MAP4K4: variants seen among roughly 807,000 people sequenced by gnomAD.
MAP4K4 encodes HPK/GCK-like kinase HGK.
A neutral mutation model predicts 189.6 loss-of-function variants in MAP4K4; 38 were observed. The ratio of observed to expected loss-of-function variants is 0.20; its 90% confidence interval spans 0.15 to 0.26. The LOEUF (loss-of-function observed/expected upper bound fraction) is 0.26, where lower values mean the gene tolerates loss of function less well. MAP4K4 is among the 10% of genes least tolerant of loss of function. The pLI is 1.00. For synonymous variants in MAP4K4, 610 were observed against 624.3 expected (o/e 0.98, Z 0.34); for missense variants, 1,054 against 1,726.9 (o/e 0.61, Z 6.91).
At chr2:101,760,497 A>AC (rs2075784538) in intron 2 of MAP4K4, among the ~76,000 whole-genome samples, 2 of 123,398 alleles carry the variant, frequency 1.6e-5, no homozygotes, top group African/African-American at 7.5e-5. Flanking sequence ...CAAAAAAAAA[A>AC]AACAAAATAT....
chr2:101,712,185 TTTA>T (rs1185250981), intron 2 of MAP4K4, among the ~76,000 whole-genome samples: 1 of 151,908 alleles, frequency 6.6e-6, no homozygotes, highest in Non-Finnish European at 1.5e-5. Flanking sequence ...TTCACTTTTA[TTTA>T]TTATTTATTT....
intron 16 of MAP4K4, chr2:101,862,230 G>T (rs2097682537): frequency 8.5e-6 from 1 of 117,784 alleles, no homozygotes; most frequent in African/African-American, 3.3e-5. Context: ...GACAGAGTGA[G>T]ACTCCATCTT....
intron 3 of MAP4K4, among the ~76,000 whole-genome samples, chr2:101,815,129 G>C (rs188393450): frequency 3.0e-3 from 459 of 152,278 alleles, no homozygotes; most frequent in Non-Finnish European, 5.0e-3. Flanking sequence ...TAAATGATTG[G>C]ATCAAAAGTA....
At chr2:101,711,973 C>CTTTTTTTTTT (rs57205012) in intron 2 of MAP4K4, among the ~76,000 whole-genome samples, 1 of 122,370 alleles carries the variant, frequency 8.2e-6, no homozygotes, top group African/African-American at 3.0e-5. Flanking sequence ...CTGTCTTGCC[C>CTTTTTTTTTT]TTTTTTTTTT....
At chr2:101,769,762 A>T (rs1211448545) in intron 2 of MAP4K4, among the ~76,000 whole-genome samples, 1 of 151,718 alleles carries the variant, frequency 6.6e-6, no homozygotes, top group South Asian at 2.1e-4. Flanking sequence ...TTTTGTTTTT[A>T]GTAGAGACGA....
intron 2 of MAP4K4, among the ~76,000 whole-genome samples, chr2:101,754,341 G>GTT (rs59198391): frequency 9.3e-5 from 8 of 85,834 alleles, no homozygotes; most frequent in Admixed American, 1.4e-4. Flanking sequence ...CTTTTTTGCT[G>GTT]TTTTTTTTTT....
intron 5 of MAP4K4, among the ~76,000 whole-genome samples, chr2:101,827,878 C>G (rs1291184729): frequency 6.6e-6 from 1 of 152,158 alleles, no homozygotes; most frequent in East Asian, 1.9e-4. Flanking sequence ...TTTCCTAGTT[C>G]AGAAACACTG....
At chr2:101,710,776 T>C (rs2045014877) in intron 2 of MAP4K4, among the ~76,000 whole-genome samples, 1 of 152,188 alleles carries the variant, frequency 6.6e-6, no homozygotes, top group Non-Finnish European at 1.5e-5. Flanking sequence ...GGCATAGATA[T>C]ATGTGGAGCA....
chr2:101,799,011 G>A (rs2094102792), intron 3 of MAP4K4, among the ~76,000 whole-genome samples: 1 of 152,072 alleles, frequency 6.6e-6, no homozygotes, highest in African/African-American at 2.4e-5. Flanking sequence ...TTCATTTTTA[G>A]AATTGTCACT....
chr2:101,860,946 A>G, exon 16 of MAP4K4: 1 of 1,604,094 alleles, frequency 6.2e-7, no homozygotes, highest in Non-Finnish European at 8.5e-7. Context: ...GGCAACTCCG[A>G]GTCTGTGCAT....
At chr2:101,877,772 C>T (rs1029475840) in intron 27 of MAP4K4, among the ~76,000 whole-genome samples, 23 of 149,958 alleles carry the variant, frequency 1.5e-4, no homozygotes, top group Admixed American at 7.3e-4. Context: ...TTTTTTGAGA[C>T]GGAGTCTCAC....
At chr2:101,800,216 A>G (rs889558361) in intron 3 of MAP4K4, among the ~76,000 whole-genome samples, 2 of 152,012 alleles carry the variant, frequency 1.3e-5, no homozygotes, top group African/African-American at 4.8e-5. Flanking sequence ...TGCAGCTTCA[A>G]CTTCCCAGGC....
At position 101,891,311 on chromosome 2, in the gene MAP4K4, TC is replaced by T. The variant is rs1478390021; in HGVS notation, c.*64del. The T allele has an allele frequency of 2.1e-6, 3 of 1,440,418 alleles. No homozygotes were observed. The Admixed American group carries it at 5.1e-5, about 25-fold the overall frequency. 89.2% of individuals were successfully genotyped at this position (1,440,418 alleles called of 1,614,324 possible). ...CTTCAAGATCCTGAGAACTTGGAAT[TC>T]CTTGTAACTGGAGCTCGGAGCTGCA... On this transcript the variant is annotated 3_prime_UTR_variant, in exon 33 of 33. Transcript: ENST00000324219.
intron 2 of MAP4K4, among the ~76,000 whole-genome samples, chr2:101,740,440 C>T (rs2062199519): frequency 9.8e-6 from 1 of 102,526 alleles, no homozygotes; most frequent in Non-Finnish European, 1.7e-5. Flanking sequence ...AGGCGTGAGC[C>T]ACCGCGCCCG....
At chr2:101,729,968 C>T (rs528898627) in intron 2 of MAP4K4, among the ~76,000 whole-genome samples, 2 of 152,264 alleles carry the variant, frequency 1.3e-5, no homozygotes, top group East Asian at 3.9e-4. Flanking sequence ...AGGAACCTGT[C>T]TTTGTGTCTC....
At chr2:101,724,635 A>G (rs2054192738) in intron 2 of MAP4K4, among the ~76,000 whole-genome samples, 1 of 152,188 alleles carries the variant, frequency 6.6e-6, no homozygotes, top group Non-Finnish European at 1.5e-5. Context: ...CTTAGGAGGG[A>G]ATGAAAACAG....
chr2:101,713,350 T>A (rs1424738623), intron 2 of MAP4K4, among the ~76,000 whole-genome samples: 1 of 152,062 alleles, frequency 6.6e-6, no homozygotes, highest in Non-Finnish European at 1.5e-5. Flanking sequence ...GTCCCAGCAC[T>A]TTGGGAGGCT....
intron 30 of MAP4K4, 28 bp downstream of exon 30, chr2:101,887,265 G>T: frequency 6.3e-7 from 1 of 1,579,822 alleles, no homozygotes; most frequent in East Asian, 2.3e-5. Context: ...CTCTATGGTT[G>T]GTTGACTGGC....
At chr2:101,893,744 G>A (rs990906921) in exon 33 of MAP4K4, 1 of 154,498 alleles carries the variant, frequency 6.5e-6, no homozygotes, top group Non-Finnish European at 1.4e-5. Context: ...GTGTTTCATT[G>A]GAATTACCAA....
Sources: gnomAD v4.1 joint callset for allele counts (sites outside exome capture counted in the v4.1 genomes callset) on GRCh38, gnomAD v4.1.1 for gene constraint, MANE v1.5 for transcripts, NCBI Gene and HGNC (gene_info 2026-07-23, HGNC 2026-07-21) for gene names.